ZNF74: variants seen among roughly 807,000 people sequenced by gnomAD.
ZNF74 encodes zinc finger protein 520.
Under a neutral mutation model 17.7 loss-of-function variants are expected in ZNF74, and 12 were observed. That is an observed-to-expected ratio of 0.68 (90% CI 0.43 to 1.10). The LOEUF is 1.10. Ranked by LOEUF, ZNF74 falls within the 50% of genes least tolerant of loss-of-function variation. ZNF74 has a pLI of 0.00. For synonymous variants in ZNF74, 358 were observed against 362.1 expected (o/e 0.99, Z 0.13); for missense variants, 811 against 881.0 (o/e 0.92, Z 1.01).
Position 20,405,948 on chromosome 22 carries a change from C to T in ZNF74, c.915C>T (p.Phe305=). 3 of 1,610,202 alleles carry T rather than the reference C, an allele frequency of 1.9e-6. No homozygotes were observed. Among genetic ancestry groups the T allele is most frequent in the Non-Finnish European group, 2.5e-6 (3 of 1,178,720 alleles). ...RRIHTGEKPF[F]CGECGKAFSC... Reference sequence around the variant, plus strand: ...TCCACACCGGCGAGAAGCCCTTCTTCTGCGGCGAGTGCGGGAAGGCCTTCA... The same window carrying T: ...TCCACACCGGCGAGAAGCCCTTCTTTTGCGGCGAGTGCGGGAAGGCCTTCA... Residue 305 remains phenylalanine (F), a synonymous_variant, in exon 5 of 5, where the codon TTC becomes TTT. Transcript: ENST00000400451.
Position 20,407,950 on chromosome 22 carries a change from A to G in ZNF74, c.*982A>G, listed in dbSNP as rs2052451477. The stretch of plus-strand genomic sequence containing the variant: ...GAGCTACCAGGCAGGTGCCCAGTGC[A>G]TTCAGGGAAGATGGGCACAACATCA... On this transcript the variant is annotated 3_prime_UTR_variant, in exon 5 of 5. Coordinates refer to ENST00000400451, the MANE Select transcript of ZNF74 (RefSeq NM_003426.4). 6.6e-6 allele frequency: 1 copy of G among 152,236 alleles called. No individual in the cohort carries two copies. Among genetic ancestry groups the G allele is most frequent in the Admixed American group, 6.5e-5 (1 of 15,282 alleles). The allele number at this position is 152,236 out of a possible 1,614,324, so 9.4% of individuals were successfully genotyped here. A position where few individuals can be genotyped will look rare whatever the true frequency, so the allele number is the denominator to read the frequency against.
rs1418586467 is a variant in ZNF74, at chr22:20,401,319, G to A, written c.290G>A (p.Arg97Gln). ...CCAGATGTGATCTCTCATCTGGAAC[G>A]AGGCGAGGAGCCATGGAGCATGCAG... ...HKPDVISHLE[R>Q]GEEPWSMQRE... The change falls in exon 4 of 5, where the codon CGA becomes CAA. Residue 97 changes from arginine (R) to glutamine (Q), a missense_variant. By Grantham distance (43) the Arg-to-Gln change is conservative (BLOSUM62 1). Transcript: ENST00000400451. The surrounding 1 kb of genome is among the most constrained non-coding windows in gnomAD (Gnocchi z 4.2). 7 of 1,611,772 alleles carry A rather than the reference G, an allele frequency of 4.3e-6. No individual in the cohort carries two copies. Among genetic ancestry groups the A allele is most frequent in the Admixed American group, 1.7e-5 (1 of 59,842 alleles).
rs1350763035 is a variant in ZNF74 at position 20,394,812 on chromosome 22, G to C, written c.34+150G>C. The stretch of plus-strand genomic sequence containing the variant: ...TCACTCTGTCACCCAGGCGGGAGTG[G>C]TGCAATGGCTTGATCTCCGCTCACT... On this transcript the variant is annotated intron_variant, in intron 1 of 4. Coordinates refer to ENST00000400451, the MANE Select transcript of ZNF74 (RefSeq NM_003426.4). 8 of 733,114 alleles carry C rather than the reference G, an allele frequency of 1.1e-5. No individual in the cohort carries two copies. The African/African-American group carries it at 1.4e-4, about 13-fold the overall frequency. The allele number at this position is 733,114 out of a possible 1,614,324, so 45.4% of individuals were successfully genotyped here.
chr22:20,406,382 G>A lies in ZNF74; in HGVS notation c.1349G>A (p.Gly450Glu). The A allele has an allele frequency of 1.2e-6, 2 of 1,613,520 alleles. No homozygotes were observed. The highest frequency in any genetic ancestry group is 8.5e-7 in the Non-Finnish European group (1 of 1,179,890). Residue 450 changes from glycine to glutamate, a missense_variant, in exon 5 of 5, where the codon GGG becomes GAG. Around this residue, in one of 3 missense-constraint regions of ZNF74, gnomAD observed 666 missense variants for 702.3 expected, o/e 0.95. Transcript: ENST00000400451. ...GEKPFKCADC[G>E]KGFSCHAYLL... ...AAGCCCTTCAAGTGCGCCGACTGCG[G>A]GAAGGGCTTCAGCTGCCACGCGTAC... is the stretch of plus-strand genomic sequence containing the variant.
chr22:20,405,818 C>T lies in ZNF74; in HGVS notation c.785C>T (p.Ser262Phe). ...ECGKAFRQSS[S>F]LTLHRRWHSR... ...GGGAAGGCGTTCCGCCAGAGCTCCT[C>T]CCTCACGCTGCACCGGCGCTGGCAC... Residue 262 changes from serine to phenylalanine, a missense_variant, in exon 5 of 5, where the codon TCC becomes TTC. Around this residue, in one of 3 missense-constraint regions of ZNF74, gnomAD observed 666 missense variants for 702.3 expected, o/e 0.95. Coordinates refer to ENST00000400451, the MANE Select transcript of ZNF74 (RefSeq NM_003426.4). The T allele has an allele frequency of 6.2e-7, 1 of 1,613,052 alleles. No homozygotes were observed. The highest frequency in any genetic ancestry group is 8.5e-7 in the Non-Finnish European group (1 of 1,179,812).
Position 20,400,973 on chromosome 22 carries a change from G to A in ZNF74, c.247+215G>A, listed in dbSNP as rs1407817004. ...GGAGCTGGTAGCATCCTTGCTTGGT[G>A]TTTCCCCTGGTCCTGGGATAGGGGC... On this transcript the variant is annotated intron_variant, in intron 3 of 4. Coordinates refer to ENST00000400451, the MANE Select transcript of ZNF74 (RefSeq NM_003426.4). The A allele has an allele frequency of 1.1e-5, 7 of 614,418 alleles. No individual in the cohort carries two copies. In the African/African-American group the frequency reaches 1.3e-4, roughly 11 times the overall value. 38.1% of individuals were successfully genotyped at this position (614,418 alleles called of 1,614,324 possible). A position where few individuals can be genotyped will look rare whatever the true frequency, so the allele number is the denominator to read the frequency against.
Position 20,405,394 on chromosome 22 carries a change from G to T in ZNF74, c.361G>T (p.Val121Leu), listed in dbSNP as rs1390378600. ...GPCPEWELKA[V>L]PSQQQGICKE... ...TCTTACAGAATGGGAGCTGAAGGCGGTGCCCTCTCAACAGCAGGGCATTTG... is the reference window on the plus strand; with the variant it reads ...TCTTACAGAATGGGAGCTGAAGGCGTTGCCCTCTCAACAGCAGGGCATTTG... The change falls in exon 5 of 5, where the codon GTG becomes TTG. Residue 121 changes from valine (V) to leucine (L), a missense_variant. Transcript: ENST00000400451. 1.2e-6 allele frequency: 2 copies of T among 1,608,116 alleles called. No homozygotes were observed. The highest frequency in any genetic ancestry group is 3.5e-5 in the Admixed American group (2 of 57,704).
chr22:20,395,147 T>G, intron 1 of ZNF74, 186 bp from the exon 2 acceptor site: 1 of 559,368 alleles, frequency 1.8e-6, no homozygotes, highest in East Asian at 2.9e-5. Context: ...TTGGAGTGTC[T>G]GAGACACAGG....
chr22:20,395,560 C>G, intron 2 of ZNF74, 142 bp downstream of exon 2: 1 of 593,910 alleles, frequency 1.7e-6, no homozygotes, highest in Non-Finnish European at 3.0e-6. Flanking sequence ...GGGAACAGCT[C>G]CAAGTGAAGA....
Position 20,400,922 on chromosome 22 carries a change from G to A in ZNF74, c.247+164G>A, listed in dbSNP as rs182401403. On this transcript the variant is annotated intron_variant, in intron 3 of 4. Transcript: ENST00000400451. ...ACTCATGGCCAGGGGCCTCGGCCAC[G>A]CCAGAAGTCCCCAAGGGACAGCGTG... is the stretch of plus-strand genomic sequence containing the variant. 225 of 807,570 alleles carry A rather than the reference G, an allele frequency of 2.8e-4. No homozygotes were observed. The East Asian group carries it at 4.5e-3, about 16-fold the overall frequency. 50.0% of individuals were successfully genotyped at this position (807,570 alleles called of 1,614,324 possible). A position where few individuals can be genotyped will look rare whatever the true frequency, so the allele number is the denominator to read the frequency against.
chr22:20,398,116 C>G (rs1335636560), intron 2 of ZNF74, among the ~76,000 whole-genome samples: 1 of 152,052 alleles, frequency 6.6e-6, no homozygotes, highest in African/African-American at 2.4e-5. Context: ...GTCAGGAGTT[C>G]AAGACCAGCC....
At position 20,401,717 on chromosome 22, in the gene ZNF74, CGTT is replaced by C. The variant is rs1280598515; in HGVS notation, c.343+347_343+349del. ...GGGCCACCAGGGAAGGGGCAGCTGGCGTTGGTCAGTGTCAGGGTCAGCATGAGC... is the reference window on the plus strand; with the variant it reads ...GGGCCACCAGGGAAGGGGCAGCTGGCGGTCAGTGTCAGGGTCAGCATGAGC... On this transcript the variant is annotated intron_variant, in intron 4 of 4. Coordinates refer to ENST00000400451, the MANE Select transcript of ZNF74 (RefSeq NM_003426.4). The surrounding 1 kb of genome is among the most constrained non-coding windows in gnomAD (Gnocchi z 4.2). Among the ~76,000 whole-genome samples, 5 of 150,792 alleles carry C rather than the reference CGTT, an allele frequency of 3.3e-5. No individual in the cohort carries two copies. The highest frequency in any genetic ancestry group is 6.6e-5 in the Admixed American group (1 of 15,212).
chr22:20,398,487 C>G (rs1380649646), intron 2 of ZNF74, among the ~76,000 whole-genome samples: 1 of 152,110 alleles, frequency 6.6e-6, no homozygotes, highest in Non-Finnish European at 1.5e-5. Context: ...TACTCATAGG[C>G]TTTTGCTATT....
At position 20,401,301 on chromosome 22, in the gene ZNF74, TG is replaced by T; in HGVS notation, c.273del (p.Ile92SerfsTer27). On this transcript the variant is annotated frameshift_variant, in exon 4 of 5. Transcript: ENST00000400451. LOFTEE classifies it high-confidence loss of function. This position sits in a 1 kb window ranked among gnomAD's most constrained non-coding sequence, Gnocchi z 4.2. ...GGACCTCCACTGCACAAGCCAGATG[TG>T]ATCTCTCATCTGGAACGAGGCGAGG... ...ALGPPLHKPD[V>X]ISHLERGEEP... is the part of the protein sequence containing the mutation. 6.2e-7 allele frequency: 1 copy of T among 1,611,508 alleles called. No individual in the cohort carries two copies. Among genetic ancestry groups the T allele is most frequent in the Non-Finnish European group, 8.5e-7 (1 of 1,178,688 alleles).
rs367561041 is a variant in ZNF74, at chr22:20,406,075, A to G, written c.1042A>G (p.Ser348Gly). Residue 348 changes from serine to glycine, a missense_variant, in exon 5 of 5, where the codon AGC (serine) becomes GGC (glycine). This residue lies in a region of ZNF74 where 666 missense variants were observed against 702.3 expected (regional missense o/e 0.95). Coordinates refer to ENST00000400451, the MANE Select transcript of ZNF74 (RefSeq NM_003426.4). ...EKAFSCSSLL[S>G]MHLRVHTGEK... ...GGCCTTCAGCTGCAGCTCGCTGCTC[A>G]GCATGCACCTGCGGGTGCACACCGG... The G allele has an allele frequency of 5.5e-5, 88 of 1,612,532 alleles. No individual in the cohort carries two copies. The highest frequency in any genetic ancestry group is 6.5e-5 in the Non-Finnish European group (77 of 1,179,592).
At chr22:20,397,829 A>G (rs361749) in intron 2 of ZNF74, among the ~76,000 whole-genome samples, 99,356 of 151,960 alleles carry the variant, frequency 0.65, 33,494 homozygotes, top group East Asian at 0.94. Flanking sequence ...AGAAATCTGA[A>G]ATCAAGGTGT....
chr22:20,396,575 A>T (rs2052296235), intron 2 of ZNF74, among the ~76,000 whole-genome samples: 2 of 152,026 alleles, frequency 1.3e-5, no homozygotes, highest in African/African-American at 2.4e-5. Context: ...GCAAAAAAAA[A>T]TGTGTGTGCA....
chr22:20,395,623 G>T (rs1265184699), intron 2 of ZNF74, among the ~76,000 whole-genome samples: 1 of 152,142 alleles, frequency 6.6e-6, no homozygotes, highest in Non-Finnish European at 1.5e-5. Context: ...TGAATGTCTC[G>T]CCCAGTCCAA....
Position 20,407,201 on chromosome 22 carries a change from C to A in ZNF74, c.*233C>A. The A allele has an allele frequency of 5.3e-6, 3 of 568,678 alleles. No homozygotes were observed. The highest frequency in any genetic ancestry group is 8.9e-6 in the Non-Finnish European group (3 of 335,424). 35.2% of individuals were successfully genotyped at this position (568,678 alleles called of 1,614,324 possible). ...AGAGTCATTTGAGGTAGTCTTGCCA[C>A]CTGTTTTCCTTGATGGGCCTGGAAG... On this transcript the variant is annotated 3_prime_UTR_variant, in exon 5 of 5. Coordinates refer to ENST00000400451, the MANE Select transcript of ZNF74 (RefSeq NM_003426.4).
Sources: gnomAD v4.1 joint callset for allele counts (sites outside exome capture counted in the v4.1 genomes callset) on GRCh38, gnomAD v4.1.1 for gene constraint, gnomAD v4.1.1 regional missense constraint, Gnocchi (gnomAD v3.1) non-coding constraint, MANE v1.5 for transcripts, NCBI Gene and HGNC (gene_info 2026-07-23, HGNC 2026-07-21) for gene names.